The following ZNF383 variants were observed in gnomAD, a reference collection of about 807,000 sequenced individuals.
The protein encoded by ZNF383 is zinc finger protein 383.
ZNF383 carries 32 observed loss-of-function variants against 44.2 expected under a neutral mutation model. The observed-to-expected ratio is 0.72, with a 90% CI of 0.55 to 0.97. ZNF383 has a LOEUF of 0.97. Ranked by LOEUF, ZNF383 falls within the 50% of genes least tolerant of loss-of-function variation. ZNF383 has a pLI of 0.00. For missense variants in ZNF383, 487 were observed against 562.5 expected (o/e 0.87, Z 1.36); for synonymous variants, 155 against 186.2 (o/e 0.83, Z 1.36).
chr19:37,241,832 A>G (rs1427001668), intron 5 of ZNF383, among the ~76,000 whole-genome samples: 1 of 151,746 alleles, frequency 6.6e-6, no homozygotes, highest in African/African-American at 2.4e-5. Flanking sequence ...TATTTCTCTC[A>G]GGAGACCTTT....
chr19:37,232,917 G>A (rs1161569193), intron 3 of ZNF383, among the ~76,000 whole-genome samples: 1 of 151,742 alleles, frequency 6.6e-6, no homozygotes, highest in Non-Finnish European at 1.5e-5. Context: ...TAGTGAACAC[G>A]TATTATTCTC....
intron 3 of ZNF383, among the ~76,000 whole-genome samples, chr19:37,232,374 G>GT (rs767990412): frequency 8.6e-5 from 13 of 151,878 alleles, no homozygotes; most frequent in Non-Finnish European, 1.9e-4. Context: ...GGCCAAAAAT[G>GT]TTTTTTTCAC....
At chr19:37,239,512 C>T (rs1973976847) in intron 5 of ZNF383, among the ~76,000 whole-genome samples, 1 of 152,068 alleles carries the variant, frequency 6.6e-6, no homozygotes, top group Non-Finnish European at 1.5e-5. Context: ...TGTGAAGGTT[C>T]TGATGGGGAA....
chr19:37,242,287 A>G (rs1390949648), intron 5 of ZNF383, among the ~76,000 whole-genome samples, 182 bp from the exon 6 acceptor site: 1 of 151,884 alleles, frequency 6.6e-6, no homozygotes, highest in Non-Finnish European at 1.5e-5. Context: ...TGCTTCCTGC[A>G]TTATCTTACT....
intron 3 of ZNF383, 125 bp from the exon 4 acceptor site, chr19:37,235,424 T>TA: frequency 1.1e-6 from 1 of 933,640 alleles, no homozygotes; most frequent in African/African-American, 1.7e-5. Flanking sequence ...TTCTGAAATC[T>TA]AAAGATACAG....
chr19:37,218,814 G>T (rs1453597802), intron 1 of ZNF383, among the ~76,000 whole-genome samples: 2 of 152,112 alleles, frequency 1.3e-5, no homozygotes, highest in South Asian at 2.1e-4. Context: ...TCGTGCCGGG[G>T]TGATATGTGT....
Position 37,247,873 on chromosome 19 carries a change from G to A in ZNF383, c.*4209G>A, listed in dbSNP as rs1371461152. On this transcript the variant is annotated 3_prime_UTR_variant, in exon 6 of 6. Transcript: ENST00000684119. ...AGACTGGCCAGGCATGGTGGCTCAC[G>A]CCTGTAATCTCAGCATTCTGTGAGG... The A allele has an allele frequency of 2.0e-5, 3 of 152,168 alleles. No homozygotes were observed. Among genetic ancestry groups the A allele is most frequent in the Non-Finnish European group, 2.9e-5 (2 of 68,036 alleles). The allele number at this position is 152,168 out of a possible 1,614,324, so 9.4% of individuals were successfully genotyped here.
At chr19:37,239,346 A>G (rs1000578243) in intron 5 of ZNF383, among the ~76,000 whole-genome samples, 2 of 152,244 alleles carry the variant, frequency 1.3e-5, no homozygotes, top group African/African-American at 2.4e-5. Flanking sequence ...ATTAATGGAA[A>G]TCACAGATAC....
At chr19:37,227,329 G>A (rs1012970649) in intron 2 of ZNF383, among the ~76,000 whole-genome samples, 1 of 147,164 alleles carries the variant, frequency 6.8e-6, no homozygotes, top group East Asian at 2.1e-4. Context: ...GGTCGGGCTG[G>A]TCTTGAACTC....
intron 2 of ZNF383, among the ~76,000 whole-genome samples, chr19:37,226,020 C>T (rs1037649240): frequency 2.0e-5 from 3 of 149,498 alleles, no homozygotes; most frequent in South Asian, 2.1e-4. Context: ...AGGATGGTCT[C>T]GATCTCCTGA....
intron 4 of ZNF383, 49 bp downstream of exon 4, chr19:37,235,724 C>T (rs529169551): frequency 1.3e-6 from 2 of 1,525,780 alleles, no homozygotes; most frequent in African/African-American, 2.8e-5. Flanking sequence ...GGAATGTCTC[C>T]TTCTTCCACA....
chr19:37,237,065 T>G (rs1973850518), intron 5 of ZNF383, among the ~76,000 whole-genome samples: 1 of 152,078 alleles, frequency 6.6e-6, no homozygotes, highest in Non-Finnish European at 1.5e-5. Context: ...GTGACCTGTT[T>G]TATCAGACTG....
intron 5 of ZNF383, among the ~76,000 whole-genome samples, chr19:37,236,954 A>C (rs1042746552): frequency 1.4e-5 from 2 of 146,758 alleles, no homozygotes; most frequent in Admixed American, 6.9e-5. Flanking sequence ...CACACATGTG[A>C]ACACACACAC....
intron 5 of ZNF383, among the ~76,000 whole-genome samples, chr19:37,239,415 T>C (rs936057144): frequency 1.3e-5 from 2 of 152,190 alleles, no homozygotes; most frequent in African/African-American, 4.8e-5. Context: ...CATCACTACT[T>C]CAGAATTAAT....
In ZNF383 at chr19:37,235,568, A is replaced by T; in HGVS notation, c.29A>T (p.Asp10Val). The T allele has an allele frequency of 6.2e-7, 1 of 1,614,122 alleles. No individual in the cohort carries two copies. Among genetic ancestry groups the T allele is most frequent in the East Asian group, 2.2e-5 (1 of 44,872 alleles). The change falls in exon 4 of 6, where the codon GAT becomes GTT. Residue 10 changes from aspartate (D) to valine (V), a missense_variant. Asp to Val is a radical substitution (Grantham distance 152). Coordinates refer to ENST00000684119, the MANE Select transcript of ZNF383 (RefSeq NM_001387601.1). Reference sequence around the variant, plus strand: ...TTTCAGGGATCAGTGATGTTCAGTGATGTGTCCATAGACTTCTCTCAGGAG... The same window carrying T: ...TTTCAGGGATCAGTGATGTTCAGTGTTGTGTCCATAGACTTCTCTCAGGAG... Reference protein sequence around the residue: MAEGSVMFSDVSIDFSQEEW... With the variant: MAEGSVMFSVVSIDFSQEEW...
intron 5 of ZNF383, among the ~76,000 whole-genome samples, chr19:37,241,957 GTATA>G (rs1180916027): frequency 2.2e-5 from 3 of 139,192 alleles, no homozygotes; most frequent in South Asian, 2.3e-4. Flanking sequence ...ATCTATATAA[GTATA>G]TATATACTAT....
At chr19:37,236,960 C>A (rs1044415002) in intron 5 of ZNF383, among the ~76,000 whole-genome samples, 5 of 61,612 alleles carry the variant, frequency 8.1e-5, no homozygotes, top group Non-Finnish European at 1.5e-4. Context: ...TGTGAACACA[C>A]ACACACACAC....
chr19:37,237,347 C>G (rs959486318), intron 5 of ZNF383, among the ~76,000 whole-genome samples: 6 of 151,892 alleles, frequency 4.0e-5, no homozygotes, highest in Admixed American at 6.6e-5. Flanking sequence ...ACTGCAATCA[C>G]TATGTATAGA....
chr19:37,242,273 C>T (rs1338085203), intron 5 of ZNF383, among the ~76,000 whole-genome samples, 196 bp from the exon 6 acceptor site: 1 of 151,798 alleles, frequency 6.6e-6, no homozygotes, highest in Non-Finnish European at 1.5e-5. Flanking sequence ...TAGTTACCTT[C>T]CTCTGCTTCC....
Sources: allele counts gnomAD v4.1 joint callset (sites outside exome capture counted in the v4.1 genomes callset), GRCh38; gene constraint gnomAD v4.1.1; transcripts MANE v1.5; gene names NCBI Gene and HGNC (gene_info 2026-07-23, HGNC 2026-07-21).